Variants in GRAMD1B observed in about 807,000 individuals in gnomAD.
GRAMD1B encodes the protein GRAM domain containing 1B.
Under a neutral mutation model 99.7 loss-of-function variants are expected in GRAMD1B, and 37 were observed. That is an observed-to-expected ratio of 0.37 (90% confidence interval 0.29 to 0.49). GRAMD1B has a LOEUF of 0.49. GRAMD1B is among the 20% of genes least tolerant of loss of function. The pLI is 0.98. For synonymous variants in GRAMD1B, 427 were observed against 387.6 expected, an observed-to-expected ratio of 1.10 and a Z score of -1.19; for missense variants, 888 against 1,009.2, an observed-to-expected ratio of 0.88 and a Z score of 1.63.
intron 1 of GRAMD1B, among the ~76,000 whole-genome samples, chr11:123,411,472 T>C (rs1948049228): frequency 6.6e-6 from 1 of 152,128 alleles, no homozygotes; most frequent in Admixed American, 6.6e-5. Context: ...TAGGTAGAGC[T>C]CTCGAAATCA....
chr11:123,408,924 AAT>A (rs113588594), intron 1 of GRAMD1B, among the ~76,000 whole-genome samples: 21,160 of 152,228 alleles, frequency 0.14, 2,112 homozygotes, highest in African/African-American at 0.29. Context: ...GATAAAGTAC[AAT>A]ATCTATTGTT....
intron 2 of GRAMD1B, among the ~76,000 whole-genome samples, chr11:123,496,327 C>T (rs1256670523): frequency 6.6e-6 from 1 of 152,034 alleles, no homozygotes; most frequent in African/African-American, 2.4e-5. Context: ...AAGTTTGCTG[C>T]CAGATGTATT....
intron 2 of GRAMD1B, among the ~76,000 whole-genome samples, chr11:123,535,684 A>AAT (rs1329769505): frequency 1.3e-5 from 2 of 151,840 alleles, no homozygotes; most frequent in Non-Finnish European, 2.9e-5. Context: ...AAAATTGTGA[A>AAT]ATATATCATG....
intron 14 of GRAMD1B, among the ~76,000 whole-genome samples, chr11:123,611,447 C>G (rs79151850): frequency 1.3e-5 from 2 of 151,944 alleles, no homozygotes; most frequent in East Asian, 1.9e-4. Flanking sequence ...AAAAAGAGGG[C>G]CTGCATCTTT....
At position 123,622,669 on chromosome 11, in the gene GRAMD1B, A is replaced by AAAT; in HGVS notation, c.*75_*76insATA. ...TAGACCATATAAATATATATATATA[A>AAAT]ATATATATATATACAGAATATAAAT... On this transcript the variant is annotated 3_prime_UTR_variant, in exon 20 of 20. Coordinates refer to ENST00000635736, the MANE Select transcript of GRAMD1B (RefSeq NM_001387025.1). 1 of 335,412 alleles carries AAAT rather than the reference A, an allele frequency of 3.0e-6. No homozygotes were observed. The highest frequency in any genetic ancestry group is 5.3e-6 in the Non-Finnish European group (1 of 189,614). The allele number at this position is 335,412 out of a possible 1,614,324, so 20.8% of individuals were successfully genotyped here.
intron 2 of GRAMD1B, among the ~76,000 whole-genome samples, chr11:123,523,437 G>T (rs1315342884): frequency 6.6e-6 from 1 of 152,082 alleles, no homozygotes; most frequent in East Asian, 1.9e-4. Flanking sequence ...TTAAGTCAGA[G>T]AATACAGGCA....
chr11:123,464,273 C>T (rs985664130), intron 1 of GRAMD1B, among the ~76,000 whole-genome samples: 5 of 152,124 alleles, frequency 3.3e-5, no homozygotes, highest in Admixed American at 1.3e-4. Flanking sequence ...CACTGCACCC[C>T]AGCCTGGGAG....
intron 2 of GRAMD1B, among the ~76,000 whole-genome samples, chr11:123,539,547 A>G (rs1249776738): frequency 6.6e-6 from 1 of 152,114 alleles, no homozygotes; most frequent in East Asian, 1.9e-4. Context: ...GGTTTCAGTG[A>G]GCCATAATCA....
Position 123,614,799 on chromosome 11 carries a change from A to G in GRAMD1B, c.2282A>G (p.Gln761Arg), listed in dbSNP as rs201812830. The change falls in exon 17 of 20, where the codon CAG (glutamine) becomes CGG (arginine). Residue 761 changes from glutamine to arginine, a missense_variant. Around this residue, in one of 5 missense-constraint regions of GRAMD1B, gnomAD observed 232 missense variants for 261.7 expected, o/e 0.89. Coordinates refer to ENST00000635736, the MANE Select transcript of GRAMD1B (RefSeq NM_001387025.1). ...PEDTPNGFHL[Q>R]SVSKLLLVIS... ...GACACCCCCAACGGTTTCCACCTGC[A>G]GAGCGTGTCCAAGCTGCTGCTGGTT... is the stretch of plus-strand genomic sequence containing the variant. 29 of 1,612,472 alleles carry G rather than the reference A, an allele frequency of 1.8e-5. No individual in the cohort carries two copies. The African/African-American group carries it at 3.7e-4, about 21-fold the overall frequency.
chr11:123,606,459 G>A (rs1486238383), intron 10 of GRAMD1B, 150 bp from the exon 11 acceptor site: 2 of 660,584 alleles, frequency 3.0e-6, no homozygotes, highest in African/African-American at 3.6e-5. Flanking sequence ...GGCAGCTCTG[G>A]GGAAGGGCTT....
intron 7 of GRAMD1B, chr11:123,598,113 A>C (rs1342808641): frequency 5.7e-6 from 9 of 1,589,462 alleles, no homozygotes; most frequent in Non-Finnish European, 7.8e-6. Flanking sequence ...ACATTAGCAA[A>C]GTGAGCAGTG....
chr11:123,575,800 G>A (rs1249093403), intron 2 of GRAMD1B, among the ~76,000 whole-genome samples: 1 of 152,124 alleles, frequency 6.6e-6, no homozygotes, highest in Non-Finnish European at 1.5e-5. Flanking sequence ...TAAGGATAAG[G>A]AATGGGTGGG....
chr11:123,371,469 G>A (rs964163368), intron 1 of GRAMD1B, among the ~76,000 whole-genome samples: 5 of 152,070 alleles, frequency 3.3e-5, no homozygotes. Context: ...ATGTCACAAT[G>A]CCTTACAATA....
chr11:123,536,735 T>A (rs1944002917), intron 2 of GRAMD1B, among the ~76,000 whole-genome samples: 1 of 152,170 alleles, frequency 6.6e-6, no homozygotes, highest in Admixed American at 6.5e-5. Flanking sequence ...GGACACAAGG[T>A]CACTATCAGT....
intron 7 of GRAMD1B, chr11:123,599,350 C>G (rs1251026052): frequency 1.4e-6 from 1 of 695,930 alleles, no homozygotes; most frequent in East Asian, 3.1e-5. Context: ...TTGATCTGGT[C>G]CCAGAGCATG....
chr11:123,566,353 A>G (rs180715349), intron 2 of GRAMD1B, among the ~76,000 whole-genome samples: 191 of 152,280 alleles, frequency 1.3e-3, no homozygotes, highest in Non-Finnish European at 2.1e-3. Flanking sequence ...GTTTTCATGG[A>G]CCCAAGAGCT....
Position 123,461,967 on chromosome 11 carries a change from CTTTTTTTT to C in GRAMD1B, c.375-18839_375-18832del, listed in dbSNP as rs756413526. Among the ~76,000 whole-genome samples the C allele has an allele frequency of 2.2e-4, 27 of 122,298 alleles. No homozygotes were observed. The East Asian group carries it at 5.5e-3, about 25-fold the overall frequency. 80.2% of individuals were successfully genotyped at this position (122,298 alleles called of 152,430 possible). On this transcript the variant is annotated intron_variant, in intron 1 of 19. Coordinates refer to ENST00000635736, the MANE Select transcript of GRAMD1B (RefSeq NM_001387025.1). ...TTCTGGTATGGTCATTTGTTTATTTCTTTTTTTTTTTTTTTTTGAAATGGGATCTTGCT... is the reference window on the plus strand; with the variant it reads ...TTCTGGTATGGTCATTTGTTTATTTCTTTTTTTTTGAAATGGGATCTTGCT...
At position 123,510,192 on chromosome 11, in the gene GRAMD1B, C is replaced by G. The variant is rs574018916; in HGVS notation, c.452+29299C>G. Among the ~76,000 whole-genome samples, 1 of 152,318 alleles carries G rather than the reference C, an allele frequency of 6.6e-6. No individual in the cohort carries two copies. The highest frequency in any genetic ancestry group is 6.5e-5 in the Admixed American group (1 of 15,300). On this transcript the variant is annotated intron_variant, in intron 2 of 19. Transcript: ENST00000635736. This position sits in a 1 kb window ranked among gnomAD's most constrained non-coding sequence, Gnocchi z 4.3. ...CTTGAGGTTCTCACACCCGCCTGCC[C>G]GCCACCAGCTGCTGACCTTCTCCCT...
chr11:123,498,691 T>A (rs778480587), intron 2 of GRAMD1B, among the ~76,000 whole-genome samples: 2 of 152,186 alleles, frequency 1.3e-5, no homozygotes, highest in South Asian at 2.1e-4. Context: ...ATTATGAGTG[T>A]CCCGCTGGTT....
Sources: allele counts gnomAD v4.1 joint callset (sites outside exome capture counted in the v4.1 genomes callset), GRCh38; gene constraint gnomAD v4.1.1; regional missense constraint gnomAD v4.1.1; non-coding constraint Gnocchi (gnomAD v3.1); transcripts MANE v1.5; gene names NCBI Gene and HGNC (gene_info 2026-07-23, HGNC 2026-07-21).